Variants in CHD4 observed in about 807,000 individuals in gnomAD.
CHD4 encodes the protein ATP-dependent chromatin remodeler CHD4.
Under a neutral mutation model 235.5 loss-of-function variants are expected in CHD4, and 35 were observed. The observed-to-expected ratio is 0.15, with a 90% CI of 0.11 to 0.20. CHD4 has a LOEUF of 0.20. CHD4 is among the 10% of genes least tolerant of loss of function. CHD4 has a pLI of 1.00. For missense variants in CHD4, 1,329 were observed against 2,432.3 expected, an observed-to-expected ratio of 0.55 and a Z score of 9.54; for synonymous variants, 900 against 850.2, an observed-to-expected ratio of 1.06 and a Z score of -1.02.
chr12:6,602,909 G>C (rs1358368443), intron 2 of CHD4: 1 of 169,412 alleles, frequency 5.9e-6, no homozygotes, highest in Admixed American at 5.7e-5. Context: ...TACTCAGAAG[G>C]CAAAAACTAT....
At chr12:6,572,872 CT>C in intron 38 of CHD4, 32 of 485,638 alleles carry the variant, frequency 6.6e-5, no homozygotes, top group South Asian at 8.8e-5. Flanking sequence ...GAGTCCATCT[CT>C]TTAAAAAAAA....
rs546642856 is a variant in CHD4, at chr12:6,570,882, G to A, written c.5708C>T (p.Pro1903Leu). The change falls in exon 39 of 40, where the codon CCT becomes CTT. Residue 1903 changes from proline (P) to leucine (L), a missense_variant. Pro to Leu is a moderately conservative substitution (Grantham distance 98, BLOSUM62 -3). This residue lies in a region of CHD4 where 135 missense variants were observed against 282.3 expected (regional missense o/e 0.48). Transcript: ENST00000544040. ...AAATGGTCCTACCTGCTGTGGGGTA[G>A]GTTCGGGTGCCCGGTTTGCCAGGCG... ...LSRLANRAPE[P>L]TPQQVAQQQ 4 of 1,614,184 alleles carry A rather than the reference G, an allele frequency of 2.5e-6. No individual in the cohort carries two copies. Among genetic ancestry groups the A allele is most frequent in the Admixed American group, 1.7e-5 (1 of 60,024 alleles).
Position 6,602,071 on chromosome 12 carries a change from G to T in CHD4, c.327C>A (p.Asp109Glu). The change falls in exon 4 of 40, where the codon GAC becomes GAA. Residue 109 changes from aspartate to glutamate, a missense_variant. By Grantham distance (45) the Asp-to-Glu change is conservative. This residue lies in a region of CHD4 where 213 missense variants were observed against 177.5 expected (regional missense o/e 1.20). Coordinates refer to ENST00000544040, the MANE Select transcript of CHD4 (RefSeq NM_001273.5). ...VALRSDSEGS[D>E]YTPGKKKKKK... is the part of the protein sequence containing the mutation. ...TCTTCTTCTTCTTGCCAGGAGTATAGTCGCTGCCCTCACTGTCTGAGCGCA... is the reference window on the plus strand; with the variant it reads ...TCTTCTTCTTCTTGCCAGGAGTATATTCGCTGCCCTCACTGTCTGAGCGCA... 1 of 1,613,422 alleles carries T rather than the reference G, an allele frequency of 6.2e-7. No homozygotes were observed.
intron 25 of CHD4, among the ~76,000 whole-genome samples, chr12:6,586,120 CA>C (rs1210574571): frequency 1.3e-5 from 2 of 150,634 alleles, no homozygotes; most frequent in Non-Finnish European, 1.5e-5. Flanking sequence ...TATATAAGGC[CA>C]GGGGCAGTGG....
Position 6,599,917 on chromosome 12 carries a change from GTCA to G in CHD4, c.1335_1337del (p.Asp446del). The G allele has an allele frequency of 1.2e-6, 2 of 1,614,120 alleles. No individual in the cohort carries two copies. Among genetic ancestry groups the G allele is most frequent in the Non-Finnish European group, 1.7e-6 (2 of 1,180,018 alleles). On this transcript the variant is annotated inframe_deletion, in exon 10 of 40. Coordinates refer to ENST00000544040, the MANE Select transcript of CHD4 (RefSeq NM_001273.5). ...AGACCCGACAGAATTCCATATGGTG[GTCA>G]TCCTCCTCTTCGAGGTCTCCCCCAA...
chr12:6,602,611 A>G, intron 2 of CHD4, 114 bp from the exon 3 acceptor site: 1 of 1,322,532 alleles, frequency 7.6e-7, no homozygotes, highest in Non-Finnish European at 1.0e-6. Context: ...GATTCCTCTG[A>G]AGAGAACTGC....
rs1403162920 is a variant in CHD4, at chr12:6,578,143, G to A, written c.5120-6C>T. On this transcript the variant is annotated splice_polypyrimidine_tract_variant and splice_region_variant and intron_variant, in intron 35 of 39. Coordinates refer to ENST00000544040, the MANE Select transcript of CHD4 (RefSeq NM_001273.5). ...CTGCCAAAGGGAGTGCAACTCTGAG[G>A]AGGAATTTAGGGAAGGTTGGGGGTG... The A allele has an allele frequency of 1.1e-5, 17 of 1,610,274 alleles. No homozygotes were observed. Among genetic ancestry groups the A allele is most frequent in the Admixed American group, 1.7e-5 (1 of 59,980 alleles).
intron 37 of CHD4, among the ~76,000 whole-genome samples, chr12:6,576,360 A>AAAAAC (rs1229802686): frequency 2.0e-5 from 3 of 152,160 alleles, no homozygotes; most frequent in Admixed American, 2.0e-4. Flanking sequence ...TGTCTCAGGA[A>AAAAAC]AAAACAAAAC....
chr12:6,587,994 T>A, intron 23 of CHD4, 45 bp from the exon 24 acceptor site: 2 of 1,560,650 alleles, frequency 1.3e-6, no homozygotes, highest in Non-Finnish European at 1.8e-6. Flanking sequence ...ATTTTCCTGG[T>A]GCCACTCTTA....
At chr12:6,580,714 A>AAACAAAACAAAC (rs1555163995) in intron 33 of CHD4, 10 of 229,190 alleles carry the variant, frequency 4.4e-5, no homozygotes, top group Admixed American at 5.6e-5. Flanking sequence ...GAAAAAAAAA[A>AAACAAAACAAAC]AAAAAAAAAA....
At chr12:6,596,594 G>A (rs1161238217) in intron 12 of CHD4, among the ~76,000 whole-genome samples, 5 of 151,708 alleles carry the variant, frequency 3.3e-5, no homozygotes, top group East Asian at 2.0e-4. Context: ...GAGGTCGGGA[G>A]TTCAAGACCA....
intron 14 of CHD4, among the ~76,000 whole-genome samples, 158 bp from the exon 15 acceptor site, chr12:6,594,808 T>C (rs1000795630): frequency 1.3e-5 from 2 of 152,190 alleles, no homozygotes; most frequent in African/African-American, 4.8e-5. Context: ...TGCAATTTCA[T>C]GTTCAGTTTA....
At chr12:6,577,700 T>C in intron 37 of CHD4, 85 bp downstream of exon 37, 2 of 1,558,770 alleles carry the variant, frequency 1.3e-6, no homozygotes, top group Admixed American at 3.4e-5. Flanking sequence ...AACAGTGCGC[T>C]GGATGGACAG....
At chr12:6,573,000 C>G in intron 38 of CHD4, 74 bp downstream of exon 38, 2 of 1,431,840 alleles carry the variant, frequency 1.4e-6, no homozygotes. Context: ...AGTTTGAAAA[C>G]AAATATATGT....
intron 25 of CHD4, among the ~76,000 whole-genome samples, chr12:6,586,046 G>A (rs1199386912): frequency 1.3e-5 from 2 of 151,844 alleles, no homozygotes; most frequent in East Asian, 3.9e-4. Flanking sequence ...GTTGCAGTAG[G>A]CTGTGATCGC....
chr12:6,585,798 AAAACAC>A (rs1328739141), intron 25 of CHD4, among the ~76,000 whole-genome samples: 1 of 150,976 alleles, frequency 6.6e-6, no homozygotes, highest in African/African-American at 2.4e-5. Context: ...CAAAAAAAAA[AAAACAC>A]ACACACAAAG....
intron 25 of CHD4, chr12:6,587,136 C>T: frequency 2.1e-6 from 1 of 486,738 alleles, no homozygotes; most frequent in Non-Finnish European, 3.6e-6. Context: ...GAGAAAATGA[C>T]ATTCTGGTAA....
intron 1 of CHD4, chr12:6,606,950 G>C (rs934113204): frequency 2.0e-5 from 3 of 151,664 alleles, no homozygotes; most frequent in Non-Finnish European, 2.9e-5. Flanking sequence ...GGGCGCTGCG[G>C]GGGGCCGGAG....
Position 6,581,387 on chromosome 12 carries a change from T to A in CHD4, c.4683A>T (p.Glu1561Asp). 6.2e-7 allele frequency: 1 copy of A among 1,613,332 alleles called. No homozygotes were observed. The highest frequency in any genetic ancestry group is 8.5e-7 in the Non-Finnish European group (1 of 1,179,298). ...TATTTTCCTCTATTTTTATCCCATC[T>A]TCTGCAGAACAATAAAAGACAATCA... The part of the protein sequence containing the change: ...PNTPAPVPPA[E>D]DGIKIEENSL... Residue 1561 changes from glutamate (E) to aspartate (D), a missense_variant and splice_region_variant, in exon 32 of 40, where the codon GAA (glutamate) becomes GAT (aspartate). By Grantham distance (45) the Glu-to-Asp change is conservative. This residue lies in a region of CHD4 where 219 missense variants were observed against 219.3 expected (regional missense o/e 1.00). Coordinates refer to ENST00000544040, the MANE Select transcript of CHD4 (RefSeq NM_001273.5).
Sources: allele counts gnomAD v4.1 joint callset (sites outside exome capture counted in the v4.1 genomes callset), GRCh38; gene constraint gnomAD v4.1.1; regional missense constraint gnomAD v4.1.1; transcripts MANE v1.5; gene names NCBI Gene and HGNC (gene_info 2026-07-23, HGNC 2026-07-21).